PKP4: variants seen among roughly 807,000 people sequenced by gnomAD.
PKP4 encodes plakophilin 4.
A neutral mutation model predicts 145.1 loss-of-function variants in PKP4; 90 were observed. That is an observed-to-expected ratio of 0.62 (90% CI 0.52 to 0.74). PKP4 has a LOEUF of 0.74. Ranked by LOEUF, PKP4 falls within the 30% of genes least tolerant of loss-of-function variation. The pLI, the probability that PKP4 is intolerant of heterozygous loss-of-function variation, is 0.00. For missense variants in PKP4, 1,340 were observed against 1,482.7 expected, an observed-to-expected ratio of 0.90 and a Z score of 1.58; for synonymous variants, 563 against 577.2, an observed-to-expected ratio of 0.98 and a Z score of 0.35.
intron 10 of PKP4, among the ~76,000 whole-genome samples, chr2:158,642,099 G>A (rs2054339514): frequency 6.6e-6 from 1 of 152,192 alleles, no homozygotes; most frequent in African/African-American, 2.4e-5. Context: ...TTGGCTCACT[G>A]CAACCTCCAC....
intron 3 of PKP4, among the ~76,000 whole-genome samples, chr2:158,585,905 A>AC (rs1287240987): frequency 6.6e-6 from 1 of 150,710 alleles, no homozygotes; most frequent in Non-Finnish European, 1.5e-5. Context: ...AAAAAAAAAA[A>AC]ACCCTCTAGC....
chr2:158,632,346 A>G (rs1346779743), intron 8 of PKP4: 2 of 192,056 alleles, frequency 1.0e-5, no homozygotes, highest in East Asian at 1.3e-4. Flanking sequence ...TTTAGCAAGC[A>G]TGAAGCCCAA....
chr2:158,605,104 A>G (rs559291540), intron 4 of PKP4, among the ~76,000 whole-genome samples: 1 of 152,310 alleles, frequency 6.6e-6, no homozygotes, highest in Middle Eastern at 3.4e-3. Flanking sequence ...GCTCTGTTCA[A>G]CAAAGTATTC....
intron 1 of PKP4, among the ~76,000 whole-genome samples, chr2:158,491,115 G>A (rs541086540): frequency 2.2e-4 from 33 of 152,224 alleles, no homozygotes; most frequent in African/African-American, 7.5e-4. Context: ...TGTTGATTCT[G>A]ACTGCAGTTG....
rs527317009 is a variant in PKP4, at chr2:158,540,084, T to C, written c.132+6768T>C. Reference sequence around the variant, plus strand: ...GGTAGCTAACAACAAGCATATGCATTTGGCTACCTGCCTACATTTTCCGAT... The same window carrying C: ...GGTAGCTAACAACAAGCATATGCATCTGGCTACCTGCCTACATTTTCCGAT... On this transcript the variant is annotated intron_variant, in intron 2 of 21. Transcript: ENST00000389759. Among the ~76,000 whole-genome samples the C allele has an allele frequency of 2.6e-5, 4 of 152,322 alleles. No homozygotes were observed. In the East Asian group the frequency reaches 7.7e-4, roughly 29 times the overall value.
At position 158,673,914 on chromosome 2, in the gene PKP4, C is replaced by T; in HGVS notation, c.3041C>T (p.Pro1014Leu). 1 of 1,612,466 alleles carries T rather than the reference C, an allele frequency of 6.2e-7. No homozygotes were observed. The highest frequency in any genetic ancestry group is 8.5e-7 in the Non-Finnish European group (1 of 1,178,462). Residue 1014 changes from proline (P) to leucine (L), a missense_variant, in exon 19 of 22, where the codon CCT becomes CTT. Transcript: ENST00000389759. The part of the protein sequence containing the change: ...DGWNQNHFIT[P>L]VSTLERDRFK... ...TGGAATCAGAACCATTTTATTACAC[C>T]TGTGTCGACATTGGAGCGAGACCGA...
chr2:158,572,125 G>GA (rs1168271193), intron 2 of PKP4, among the ~76,000 whole-genome samples: 1 of 151,974 alleles, frequency 6.6e-6, no homozygotes, highest in Non-Finnish European at 1.5e-5. Context: ...GAACAGACAT[G>GA]AAAAAGAACT....
At chr2:158,505,061 C>T (rs2040844177) in intron 1 of PKP4, among the ~76,000 whole-genome samples, 1 of 152,198 alleles carries the variant, frequency 6.6e-6, no homozygotes, top group Non-Finnish European at 1.5e-5. Context: ...TTTTCCTGTT[C>T]TGGCACTGAT....
Position 158,631,804 on chromosome 2 carries a change from G to A in PKP4, c.1205G>A (p.Arg402His), listed in dbSNP as rs372850713. ...SQHSQLGQDLRSAVSPDLHIT... is the reference protein window; with the variant it reads ...SQHSQLGQDLHSAVSPDLHIT... The stretch of plus-strand genomic sequence containing the variant: ...CATAGTCAGCTTGGGCAAGACCTTC[G>A]TTCTGCCGTGTCTCCCGACTTGCAC... Residue 402 changes from arginine to histidine, a missense_variant, in exon 8 of 22, where the codon CGT (arginine) becomes CAT (histidine). Arg to His is a conservative substitution (Grantham distance 29, BLOSUM62 0). Coordinates refer to ENST00000389759, the MANE Select transcript of PKP4 (RefSeq NM_003628.6). The A allele has an allele frequency of 6.7e-5, 108 of 1,613,970 alleles. No individual in the cohort carries two copies. Among genetic ancestry groups the A allele is most frequent in the Non-Finnish European group, 8.4e-5 (99 of 1,180,014 alleles).
rs200182046 is a variant in PKP4, at chr2:158,661,485, G to A, written c.2211+35G>A. 3.6e-5 allele frequency: 49 copies of A among 1,358,790 alleles called. 1 individual carries two copies. The Admixed American group carries it at 7.8e-4, about 22-fold the overall frequency. 84.2% of individuals were successfully genotyped at this position (1,358,790 alleles called of 1,614,324 possible). A position where few individuals can be genotyped will look rare whatever the true frequency, so the allele number is the denominator to read the frequency against. ...GGCCTGGTTGCAGGAGGGCGTGGTG[G>A]CAGGTGACCATGATGCCTGGTGCCA... is the stretch of plus-strand genomic sequence containing the variant. On this transcript the variant is annotated intron_variant, in intron 13 of 21. Coordinates refer to ENST00000389759, the MANE Select transcript of PKP4 (RefSeq NM_003628.6).
chr2:158,476,622 T>C (rs1692517042), intron 1 of PKP4, among the ~76,000 whole-genome samples: 1 of 152,160 alleles, frequency 6.6e-6, no homozygotes, highest in Non-Finnish European at 1.5e-5. Context: ...TGAGCCACTG[T>C]ACTCAGCCCC....
rs921291987 is a variant in PKP4, at chr2:158,577,286, C to T, written c.148C>T (p.Arg50Ter). The T allele has an allele frequency of 1.2e-6, 2 of 1,611,456 alleles. No individual in the cohort carries two copies. Among genetic ancestry groups the T allele is most frequent in the South Asian group, 1.1e-5 (1 of 90,764 alleles). ...SVKEQELQFQRLTRELEVERQ... is the reference protein window; with the variant it reads ...SVKEQELQFQ ...TGAATCACAGGAGCTTCAGTTTCAG[C>T]GACTCACCCGAGAACTGGAAGTGGA... The change falls in exon 3 of 22, where the codon CGA becomes TGA. Residue 50 changes from arginine (R) to a stop codon, truncating the protein, a stop_gained. Coordinates refer to ENST00000389759, the MANE Select transcript of PKP4 (RefSeq NM_003628.6). LOFTEE classifies it high-confidence loss of function.
intron 2 of PKP4, among the ~76,000 whole-genome samples, chr2:158,556,523 C>CTTT (rs11378372): frequency 1.4e-5 from 2 of 144,312 alleles, no homozygotes; most frequent in African/African-American, 2.5e-5. Flanking sequence ...CTCTTTCTCT[C>CTTT]TTTTTTTTTT....
In PKP4 at chr2:158,606,829, CT is replaced by C. The variant is rs569964864; in HGVS notation, c.280+3727del. Reference sequence around the variant, plus strand: ...TGTTTAAAGCAAACATCCTTGCCCTCTTAAGAACTTCAGGTTTAATGAAGGT... The same window carrying C: ...TGTTTAAAGCAAACATCCTTGCCCTCTAAGAACTTCAGGTTTAATGAAGGT... On this transcript the variant is annotated intron_variant, in intron 4 of 21. Coordinates refer to ENST00000389759, the MANE Select transcript of PKP4 (RefSeq NM_003628.6). 2.0e-5 allele frequency among the ~76,000 whole-genome samples: 3 copies of C among 152,260 alleles called. No individual in the cohort carries two copies. The South Asian group carries it at 6.2e-4, about 32-fold the overall frequency.
At chr2:158,479,912 C>T (rs1349244439) in intron 1 of PKP4, among the ~76,000 whole-genome samples, 2 of 152,178 alleles carry the variant, frequency 1.3e-5, no homozygotes, top group African/African-American at 4.8e-5. Flanking sequence ...ACTGGTTCCA[C>T]AGTTTTGCTT....
chr2:158,530,504 CTTTTTTTTTTT>C (rs869120223), intron 1 of PKP4, among the ~76,000 whole-genome samples: 11 of 92,136 alleles, frequency 1.2e-4, no homozygotes, highest in African/African-American at 4.3e-4. Context: ...CTCTTTCTTT[CTTTTTTTTTTT>C]TTTTTTTTTT....
chr2:158,560,480 A>T (rs1299802100), intron 2 of PKP4, among the ~76,000 whole-genome samples: 2 of 152,324 alleles, frequency 1.3e-5, no homozygotes, highest in East Asian at 3.9e-4. Flanking sequence ...ATATGATCAG[A>T]AGATAAAAGA....
intron 1 of PKP4, among the ~76,000 whole-genome samples, chr2:158,468,770 C>CTTTTTTTTTTTT (rs58577988): frequency 2.1e-4 from 23 of 109,966 alleles, no homozygotes; most frequent in Non-Finnish European, 3.2e-4. Context: ...TCTTCTTCTT[C>CTTTTTTTTTTTT]TTTTTTTTTT....
chr2:158,482,878 G>C (rs1693576274), intron 1 of PKP4, among the ~76,000 whole-genome samples: 1 of 151,960 alleles, frequency 6.6e-6, no homozygotes. Flanking sequence ...AGAACATGCA[G>C]GTCATTGCAC....
Sources: gnomAD v4.1 joint callset for allele counts (sites outside exome capture counted in the v4.1 genomes callset) on GRCh38, gnomAD v4.1.1 for gene constraint, MANE v1.5 for transcripts, NCBI Gene and HGNC (gene_info 2026-07-23, HGNC 2026-07-21) for gene names.